The following ADAMTS3 variants were observed in gnomAD, a reference collection of about 807,000 sequenced individuals.
The protein encoded by ADAMTS3 is ADAM metallopeptidase with thrombospondin type 1 motif 3.
Under a neutral mutation model 129.0 loss-of-function variants are expected in ADAMTS3, and 73 were observed. The observed-to-expected ratio is 0.57, with a 90% confidence interval of 0.47 to 0.69. ADAMTS3 has a LOEUF of 0.69. Ranked by LOEUF, ADAMTS3 falls within the 30% of genes least tolerant of loss-of-function variation. The pLI, the probability that ADAMTS3 is intolerant of heterozygous loss-of-function variation, is 0.00. For synonymous variants in ADAMTS3, 477 were observed against 510.8 expected, an observed-to-expected ratio of 0.93 and a Z score of 0.89; for missense variants, 1,457 against 1,514.5, an observed-to-expected ratio of 0.96 and a Z score of 0.63.
At position 72,371,441 on chromosome 4, in the gene ADAMTS3, G is replaced by GTAAATAAATAAA. The variant is rs4019787; in HGVS notation, c.662-31760_662-31749dup. 5.2e-4 allele frequency among the ~76,000 whole-genome samples: 77 copies of GTAAATAAATAAA among 148,754 alleles called. 1 individual carries two copies. The South Asian group carries it at 0.011, about 22-fold the overall frequency. On this transcript the variant is annotated intron_variant, in intron 4 of 21. Transcript: ENST00000286657. ...AAAATGCACCAAGCTGACACTAAAA[G>GTAAATAAATAAA]TAAATAAATAAATAAATAAATAAAT... is the stretch of plus-strand genomic sequence containing the variant.
At chr4:72,312,130 T>C (rs1414538984) in intron 13 of ADAMTS3, 161 bp downstream of exon 13, 1 of 676,172 alleles carries the variant, frequency 1.5e-6, no homozygotes. Flanking sequence ...AGAAAGGGTA[T>C]TTAAGCCTTA....
At position 72,315,964 on chromosome 4, in the gene ADAMTS3, G is replaced by T. The variant is rs778459099; in HGVS notation, c.1493C>A (p.Thr498Asn). 35 of 1,601,242 alleles carry T rather than the reference G, an allele frequency of 2.2e-5. No homozygotes were observed. Among genetic ancestry groups the T allele is most frequent in the Non-Finnish European group, 2.8e-5 (33 of 1,172,712 alleles). The change falls in exon 11 of 22, where the codon ACC becomes AAC. Residue 498 changes from threonine to asparagine, a missense_variant. Thr to Asn is a moderately conservative substitution (Grantham distance 65). Coordinates refer to ENST00000286657, the MANE Select transcript of ADAMTS3 (RefSeq NM_014243.3). Reference sequence around the variant, plus strand: ...CCACAGCTGTTTACATGGGTCAAAGGTTCGGAACTGGAAGATAGATAATCA... The same window carrying T: ...CCACAGCTGTTTACATGGGTCAAAGTTTCGGAACTGGAAGATAGATAATCA... The part of the protein sequence containing the change: ...VGYKMCTAFR[T>N]FDPCKQLWCS...
At chr4:72,493,510 C>T (rs908919669) in intron 3 of ADAMTS3, among the ~76,000 whole-genome samples, 3 of 152,114 alleles carry the variant, frequency 2.0e-5, no homozygotes, top group Admixed American at 6.5e-5. Context: ...TTTTACTCCT[C>T]ATACATACAT....
intron 4 of ADAMTS3, among the ~76,000 whole-genome samples, chr4:72,389,307 A>G (rs190095069): frequency 1.3e-5 from 2 of 152,324 alleles, no homozygotes; most frequent in Admixed American, 1.3e-4. Flanking sequence ...CAGAAGAATA[A>G]TCTGTTTCAA....
At chr4:72,287,360 G>A (rs1718533195) in intron 21 of ADAMTS3, among the ~76,000 whole-genome samples, 1 of 151,500 alleles carries the variant, frequency 6.6e-6, no homozygotes, top group South Asian at 2.1e-4. Context: ...AGAGAGAGGT[G>A]GAAGAGATGG....
intron 3 of ADAMTS3, among the ~76,000 whole-genome samples, chr4:72,470,647 T>A (rs1324667468): frequency 1.3e-5 from 2 of 151,958 alleles, no homozygotes; most frequent in African/African-American, 4.8e-5. Context: ...CTCACCCTAA[T>A]ATGAAGATGT....
chr4:72,428,121 A>C (rs1260077292), intron 3 of ADAMTS3, among the ~76,000 whole-genome samples: 1 of 152,036 alleles, frequency 6.6e-6, no homozygotes, highest in Non-Finnish European at 1.5e-5. Context: ...ATGGGGACAC[A>C]AGAAGTGAGG....
At chr4:72,318,835 C>G in intron 9 of ADAMTS3, 131 bp from the exon 10 acceptor site, 3 of 935,202 alleles carry the variant, frequency 3.2e-6, no homozygotes, top group Non-Finnish European at 4.7e-6. Context: ...TTTGCAAAAA[C>G]ATGTATTTAA....
intron 4 of ADAMTS3, among the ~76,000 whole-genome samples, chr4:72,402,650 C>T (rs759102923): frequency 5.5e-4 from 84 of 152,024 alleles, no homozygotes; most frequent in Non-Finnish European, 1.1e-3. Flanking sequence ...AAAGTCCATG[C>T]TTAGATTCAT....
intron 4 of ADAMTS3, among the ~76,000 whole-genome samples, chr4:72,392,535 T>C (rs927557789): frequency 3.3e-5 from 5 of 152,208 alleles, no homozygotes; most frequent in Non-Finnish European, 5.9e-5. Context: ...TTCTTGTCTC[T>C]ACCTGACCCT....
At chr4:72,321,453 A>T (rs902706274) in intron 6 of ADAMTS3, among the ~76,000 whole-genome samples, 1 of 151,818 alleles carries the variant, frequency 6.6e-6, no homozygotes, top group Non-Finnish European at 1.5e-5. Flanking sequence ...AAAGCATGGG[A>T]ATGTTTGATA....
chr4:72,469,856 C>T (rs548288871), intron 3 of ADAMTS3, among the ~76,000 whole-genome samples: 69 of 152,132 alleles, frequency 4.5e-4, no homozygotes, highest in Middle Eastern at 6.8e-3. Flanking sequence ...CTCTGGCTTA[C>T]GTTATTGTAA....
At chr4:72,529,975 A>AT (rs1454259779) in intron 3 of ADAMTS3, among the ~76,000 whole-genome samples, 1 of 1,054 alleles carries the variant, frequency 9.5e-4, no homozygotes, top group Non-Finnish European at 0.013. Context: ...ATATTTATAT[A>AT]TAAATATAAT....
At chr4:72,392,032 A>T (rs1721607919) in intron 4 of ADAMTS3, among the ~76,000 whole-genome samples, 1 of 152,208 alleles carries the variant, frequency 6.6e-6, no homozygotes, top group South Asian at 2.1e-4. Flanking sequence ...GCGTGGCCCT[A>T]TGCTGAGCAC....
At chr4:72,500,355 C>T (rs1447799127) in intron 3 of ADAMTS3, among the ~76,000 whole-genome samples, 1 of 152,084 alleles carries the variant, frequency 6.6e-6, no homozygotes, top group East Asian at 1.9e-4. Flanking sequence ...TTTTGATTTG[C>T]ATCTCTCTGA....
At chr4:72,296,554 CTA>C in intron 18 of ADAMTS3, among the ~76,000 whole-genome samples, 1 of 152,088 alleles carries the variant, frequency 6.6e-6, no homozygotes, top group African/African-American at 2.4e-5. Flanking sequence ...TCTTTTGTGA[CTA>C]TGTCACATTT....
chr4:72,354,182 A>T (rs931894251), intron 4 of ADAMTS3, among the ~76,000 whole-genome samples: 7 of 152,006 alleles, frequency 4.6e-5, no homozygotes, highest in Admixed American at 3.9e-4. Flanking sequence ...GTTTGTTTAG[A>T]TAAAATATTC....
At chr4:72,337,847 T>C (rs1720028875) in intron 5 of ADAMTS3, among the ~76,000 whole-genome samples, 1 of 152,146 alleles carries the variant, frequency 6.6e-6, no homozygotes, top group Non-Finnish European at 1.5e-5. Context: ...TAGTTATAAG[T>C]TCTACGAGGA....
chr4:72,518,389 C>T (rs1463070232), intron 3 of ADAMTS3, among the ~76,000 whole-genome samples: 1 of 152,054 alleles, frequency 6.6e-6, no homozygotes, highest in Non-Finnish European at 1.5e-5. Context: ...TCCTGGGTAT[C>T]CTTCTTAACT....
Sources: allele counts gnomAD v4.1 joint callset (sites outside exome capture counted in the v4.1 genomes callset), GRCh38; gene constraint gnomAD v4.1.1; transcripts MANE v1.5; gene names NCBI Gene and HGNC (gene_info 2026-07-23, HGNC 2026-07-21).